Variants in MYO5B observed in about 807,000 individuals in gnomAD.
MYO5B encodes unconventional myosin-Vb.
In MYO5B, 143 loss-of-function variants were observed where a neutral mutation model predicts 229.3. That is an observed-to-expected ratio of 0.62 (90% CI 0.54 to 0.72). The LOEUF (loss-of-function observed/expected upper bound fraction) is 0.72, where lower values mean the gene tolerates loss of function less well. Among genes scored for constraint, MYO5B ranks in the 30% least tolerant of loss-of-function variants. The pLI is 0.00. For missense variants in MYO5B, 2,321 were observed against 2,331.0 expected, an observed-to-expected ratio of 1.00 and a Z score of 0.09; for synonymous variants, 918 against 885.2, an observed-to-expected ratio of 1.04 and a Z score of -0.66.
chr18:50,003,959 C>A (rs988468291), intron 4 of MYO5B, among the ~76,000 whole-genome samples: 1 of 152,168 alleles, frequency 6.6e-6, no homozygotes, highest in African/African-American at 2.4e-5. Flanking sequence ...CAACACAGCA[C>A]ACACAGGATG....
intron 1 of MYO5B, among the ~76,000 whole-genome samples, chr18:50,138,415 G>C (rs963939733): frequency 1.4e-5 from 2 of 138,764 alleles, no homozygotes; most frequent in African/African-American, 3.4e-5. Flanking sequence ...TGCCCAATTT[G>C]GGGGGGGTGG....
chr18:50,052,449 A>C (rs113025160), intron 2 of MYO5B, among the ~76,000 whole-genome samples: 1 of 148,396 alleles, frequency 6.7e-6, no homozygotes. Context: ...GTAAACTATC[A>C]CAAGGACAAA....
chr18:50,073,866 A>G (rs1190464504), intron 1 of MYO5B, among the ~76,000 whole-genome samples: 9 of 152,012 alleles, frequency 5.9e-5, no homozygotes, highest in Non-Finnish European at 1.3e-4. Context: ...CCTATTATCC[A>G]CATCCAATCC....
At chr18:49,896,653 A>T (rs1248549658) in intron 21 of MYO5B, among the ~76,000 whole-genome samples, 1 of 152,160 alleles carries the variant, frequency 6.6e-6, no homozygotes, top group Non-Finnish European at 1.5e-5. Flanking sequence ...TTGGAGTATG[A>T]AGAGAGGCAC....
intron 39 of MYO5B, among the ~76,000 whole-genome samples, chr18:49,827,178 T>C (rs1336034735): frequency 6.6e-6 from 1 of 152,262 alleles, no homozygotes; most frequent in African/African-American, 2.4e-5. Flanking sequence ...TGGACATTTA[T>C]AACAATCGGG....
rs1364436373 is a variant in MYO5B, at chr18:50,078,621, GC to G, written c.28-23244del. Among the ~76,000 whole-genome samples the G allele has an allele frequency of 2.0e-5, 3 of 152,290 alleles. No individual in the cohort carries two copies. The South Asian group carries it at 6.2e-4, about 32-fold the overall frequency. The stretch of plus-strand genomic sequence containing the variant: ...AAGCATTGGCAAGGATGTGGAACAA[GC>G]CTTTATTTTTATGAACGTGTCAACA... On this transcript the variant is annotated intron_variant, in intron 1 of 39. Transcript: ENST00000285039.
At chr18:50,100,604 A>G (rs1162542566) in intron 1 of MYO5B, among the ~76,000 whole-genome samples, 2 of 152,166 alleles carry the variant, frequency 1.3e-5, no homozygotes, top group African/African-American at 4.8e-5. Context: ...CTGACTGGTC[A>G]GGGTCCAAGA....
At chr18:50,042,152 A>C (rs1353460330) in intron 2 of MYO5B, among the ~76,000 whole-genome samples, 1 of 152,200 alleles carries the variant, frequency 6.6e-6, no homozygotes. Context: ...CAATACCTAA[A>C]TCAGAATTTT....
intron 2 of MYO5B, 43 bp downstream of exon 2, chr18:50,055,225 G>GGGGCCCCCCCC: frequency 1.4e-6 from 1 of 700,376 alleles, no homozygotes. Context: ...TGAGCTCCCT[G>GGGGCCCCCCCC]CCCCACCTCA....
At chr18:50,077,725 T>C (rs558721410) in intron 1 of MYO5B, among the ~76,000 whole-genome samples, 57 of 152,316 alleles carry the variant, frequency 3.7e-4, no homozygotes, top group African/African-American at 1.3e-3. Flanking sequence ...TGTATTCCAT[T>C]AAATGCACTT....
At chr18:50,025,998 T>C (rs973041680) in intron 4 of MYO5B, among the ~76,000 whole-genome samples, 1 of 152,250 alleles carries the variant, frequency 6.6e-6, no homozygotes, top group African/African-American at 2.4e-5. Flanking sequence ...CAAATGATAT[T>C]TTAAGTTTTA....
intron 17 of MYO5B, among the ~76,000 whole-genome samples, chr18:49,916,909 C>T (rs1036197214): frequency 2.0e-4 from 30 of 152,198 alleles, no homozygotes; most frequent in African/African-American, 7.0e-4. Context: ...AAGTGAAGCT[C>T]AAGAGAATTT....
intron 1 of MYO5B, among the ~76,000 whole-genome samples, chr18:50,092,165 T>A (rs1015383394): frequency 1.3e-5 from 2 of 152,100 alleles, no homozygotes; most frequent in African/African-American, 4.8e-5. Context: ...TCCAAATGAA[T>A]AACTGCCTGC....
At chr18:50,095,858 G>A (rs2031539979) in intron 1 of MYO5B, among the ~76,000 whole-genome samples, 1 of 152,214 alleles carries the variant, frequency 6.6e-6, no homozygotes, top group Admixed American at 6.5e-5. Context: ...ACCACCTTCA[G>A]AGCTTCTTTG....
chr18:50,129,946 T>C (rs1311063739), intron 1 of MYO5B, among the ~76,000 whole-genome samples: 3 of 152,234 alleles, frequency 2.0e-5, no homozygotes, highest in Non-Finnish European at 4.4e-5. Flanking sequence ...CAACTTTTTT[T>C]CCCAATGACC....
intron 32 of MYO5B, among the ~76,000 whole-genome samples, chr18:49,848,504 G>C (rs1171695738): frequency 6.6e-6 from 1 of 152,196 alleles, no homozygotes; most frequent in East Asian, 1.9e-4. Context: ...GAGTGGAGGT[G>C]GGGGAGAGTG....
intron 1 of MYO5B, among the ~76,000 whole-genome samples, chr18:50,094,176 T>C (rs1228376459): frequency 2.0e-5 from 3 of 152,226 alleles, no homozygotes; most frequent in African/African-American, 7.2e-5. Context: ...CACTAATATG[T>C]AGTAGACTAA....
intron 31 of MYO5B, 177 bp from the exon 32 acceptor site, chr18:49,849,837 G>C (rs2024177278): frequency 1.5e-6 from 1 of 666,378 alleles, no homozygotes; most frequent in Non-Finnish European, 2.7e-6. Flanking sequence ...ACCTGCTCTG[G>C]AACTCAGGAA....
At chr18:50,101,251 C>A (rs2031648900) in intron 1 of MYO5B, among the ~76,000 whole-genome samples, 1 of 152,082 alleles carries the variant, frequency 6.6e-6, no homozygotes, top group Non-Finnish European at 1.5e-5. Context: ...AAGTTGTACA[C>A]CTTAAGTGCC....
Sources: allele counts gnomAD v4.1 joint callset (sites outside exome capture counted in the v4.1 genomes callset), GRCh38; gene constraint gnomAD v4.1.1; transcripts MANE v1.5; gene names NCBI Gene and HGNC (gene_info 2026-07-23, HGNC 2026-07-21).